Variants in NR4A1 observed in about 807,000 individuals in gnomAD.
NR4A1 encodes nuclear receptor subfamily 4immunitygroup A member 1.
In NR4A1, 24 loss-of-function variants were observed where a neutral mutation model predicts 47.5. The ratio of observed to expected loss-of-function variants is 0.50; its 90% CI spans 0.37 to 0.71. The LOEUF (loss-of-function observed/expected upper bound fraction) is 0.71. Ranked by LOEUF, NR4A1 falls within the 30% of genes least tolerant of loss-of-function variation. NR4A1 has a pLI of 0.00. For missense variants in NR4A1, 669 were observed against 788.6 expected (o/e 0.85, Z 1.82); for synonymous variants, 353 against 345.7 (o/e 1.02, Z -0.24).
intron 1 of NR4A1, chr12:52,052,513 G>A (rs1939038003): frequency 3.0e-6 from 3 of 985,344 alleles, no homozygotes; most frequent in South Asian, 9.4e-5. Context: ...GCAGCCTGAG[G>A]CTTGTTCAGC....
At chr12:52,052,372 TAGAA>T (rs1302378227) in intron 1 of NR4A1, 2 of 438,272 alleles carry the variant, frequency 4.6e-6, no homozygotes, top group African/African-American at 4.3e-5. Flanking sequence ...GGATCCTGGA[TAGAA>T]GTTGCCAGTG....
rs1208982456 is a variant in NR4A1 at position 52,059,443 on chromosome 12, ATGTGACTTT to A, written c.*501_*509del. 1 of 152,908 alleles carries A rather than the reference ATGTGACTTT, an allele frequency of 6.5e-6. No individual in the cohort carries two copies. The highest frequency in any genetic ancestry group is 1.5e-5 in the Non-Finnish European group (1 of 68,576). 9.5% of individuals were successfully genotyped at this position (152,908 alleles called of 1,614,324 possible). ...TTGTGTATTTTCCTGGATTTATAGT[ATGTGACTTT>A]TCTGATTAATATATTTAATATATTG... is the stretch of plus-strand genomic sequence containing the variant. On this transcript the variant is annotated 3_prime_UTR_variant, in exon 7 of 7. Coordinates refer to ENST00000394825, the MANE Select transcript of NR4A1 (RefSeq NM_173157.3).
rs1194268044 is a variant in NR4A1 at position 52,059,302 on chromosome 12, G to A, written c.*358G>A. 2 of 205,648 alleles carry A rather than the reference G, an allele frequency of 9.7e-6. No individual in the cohort carries two copies. Among genetic ancestry groups the A allele is most frequent in the Admixed American group, 5.9e-5 (1 of 16,844 alleles). 12.7% of individuals were successfully genotyped at this position (205,648 alleles called of 1,614,324 possible). The stretch of plus-strand genomic sequence containing the variant: ...GGGCTGGGAGGAAGGGATGGGCCCC[G>A]CCTTCCTGGGCAGCCTTTCCAGCCT... On this transcript the variant is annotated 3_prime_UTR_variant, in exon 7 of 7. Transcript: ENST00000394825.
chr12:52,049,864 C>T (rs1734925716), upstream of NR4A1, among the ~76,000 whole-genome samples: 1 of 151,418 alleles, frequency 6.6e-6, no homozygotes, highest in African/African-American at 2.4e-5. Context: ...TGGGCAGAAG[C>T]GGGGGCTGGA....
At chr12:52,049,919 C>G (rs558223797), upstream of NR4A1, among the ~76,000 whole-genome samples, 3 of 152,048 alleles carry the variant, frequency 2.0e-5, no homozygotes, top group East Asian at 5.8e-4. Flanking sequence ...GGGTGGAAAT[C>G]GGGCCGGCAG....
At chr12:52,053,978 A>G (rs1029131612) in intron 1 of NR4A1, 30 of 238,290 alleles carry the variant, frequency 1.3e-4, no homozygotes, top group Admixed American at 2.6e-4. Context: ...TGCCTTCCCC[A>G]TGGGGGAGGG....
chr12:52,056,185 G>A (rs757835349), intron 3 of NR4A1, 26 bp downstream of exon 3: 18 of 1,576,488 alleles, frequency 1.1e-5, no homozygotes, highest in Non-Finnish European at 1.3e-5. Context: ...GCGGCCCAGC[G>A]GGGCAAGGGT....
chr12:52,031,979 A>G (rs1203115033), intron 1 of NR4A1, among the ~76,000 whole-genome samples: 2 of 151,994 alleles, frequency 1.3e-5, no homozygotes, highest in African/African-American at 2.4e-5. Flanking sequence ...TATTTTTAGT[A>G]GAGACGGGGT....
chr12:52,046,561 T>C (rs1938649988), upstream of NR4A1, among the ~76,000 whole-genome samples: 1 of 152,182 alleles, frequency 6.6e-6, no homozygotes, highest in South Asian at 2.1e-4. Flanking sequence ...ATAGAACAAA[T>C]ACATAATGAG....
At chr12:52,037,575 G>T (rs969368230) in intron 1 of NR4A1, 8 of 982,834 alleles carry the variant, frequency 8.1e-6, no homozygotes, top group East Asian at 2.3e-4. Context: ...TCGGGGGGGG[G>T]ACTGGATTCC....
upstream of NR4A1, among the ~76,000 whole-genome samples, chr12:52,048,391 A>G (rs111466228): frequency 0.12 from 18,594 of 150,960 alleles, 2,742 homozygotes; most frequent in African/African-American, 0.36. Context: ...TCAGGAGATC[A>G]AGACCATCCT....
chr12:52,037,924 T>G, intron 1 of NR4A1: 1 of 982,862 alleles, frequency 1.0e-6, no homozygotes, highest in Non-Finnish European at 1.2e-6. Context: ...TGTTGTTTTG[T>G]TTTTTTGCCG....
At chr12:52,028,137 G>T (rs1938036186) in intron 1 of NR4A1, among the ~76,000 whole-genome samples, 1 of 140,990 alleles carries the variant, frequency 7.1e-6, no homozygotes, top group African/African-American at 2.6e-5. Context: ...AGGAGGTTGA[G>T]GCTGCAGTGA....
chr12:52,046,711 C>T (rs1938657158), upstream of NR4A1, among the ~76,000 whole-genome samples: 1 of 152,180 alleles, frequency 6.6e-6, no homozygotes. Flanking sequence ...GGGCCGGGCA[C>T]GGTGACTCAC....
rs771523987 is a variant in NR4A1, at chr12:52,032,623, T to TCTGTG, written c.-83-9176_-83-9172dup. Among the ~76,000 whole-genome samples, 9 of 152,214 alleles carry TCTGTG rather than the reference T, an allele frequency of 5.9e-5. No homozygotes were observed. In the South Asian group the frequency reaches 8.3e-4, roughly 14 times the overall value. ...GGGACAGGAGCTGTGTCTGTTTTGT[T>TCTGTG]CTGTGCTGTGCTGTGTTTCCAGTGA... On this transcript the variant is annotated intron_variant, in intron 1 of 7. Coordinates refer to the NR4A1 transcript ENST00000360284.
Position 52,057,406 on chromosome 12 carries a change from G to A in NR4A1, c.1416G>A (p.Arg472=). ...LIFCSGLVLH[R]LQCARGFGDW... The stretch of plus-strand genomic sequence containing the variant: ...TCTGCTCAGGCCTGGTGCTACACCG[G>A]CTGCAGTGTGCCCGTGGCTTCGGGG... Residue 472 remains arginine, a synonymous_variant, in exon 6 of 7, where the codon CGG becomes CGA. Coordinates refer to ENST00000394825, the MANE Select transcript of NR4A1 (RefSeq NM_173157.3). The A allele has an allele frequency of 1.2e-6, 2 of 1,614,220 alleles. No homozygotes were observed. The highest frequency in any genetic ancestry group is 1.6e-4 in the Middle Eastern group (1 of 6,062).
chr12:52,037,432 C>T (rs2120946547), intron 1 of NR4A1: 5 of 986,028 alleles, frequency 5.1e-6, no homozygotes, highest in Middle Eastern at 1.0e-3. Context: ...CGAGCGGAGC[C>T]CGCGGGGCCA....
In NR4A1 at chr12:52,058,837, A is replaced by G; in HGVS notation, c.1690A>G (p.Thr564Ala). Residue 564 changes from threonine to alanine, a missense_variant, in exon 7 of 7, where the codon ACC (threonine) becomes GCC (alanine). Coordinates refer to ENST00000394825, the MANE Select transcript of NR4A1 (RefSeq NM_173157.3). ...RLLGKLPELR[T>A]LCTQGLQRIF... ...GTTGGGCAAACTGCCCGAGCTGCGG[A>G]CCCTGTGCACCCAGGGCCTGCAGCG... 6.2e-7 allele frequency: 1 copy of G among 1,613,952 alleles called. No individual in the cohort carries two copies. The highest frequency in any genetic ancestry group is 2.2e-5 in the East Asian group (1 of 44,880).
At chr12:52,045,121 G>C (rs1227060439) in intron 2 of NR4A1, among the ~76,000 whole-genome samples, 1 of 152,208 alleles carries the variant, frequency 6.6e-6, no homozygotes, top group Non-Finnish European at 1.5e-5. Context: ...GTGCTGGGTA[G>C]AGCCACATCT....
Sources: gnomAD v4.1 joint callset for allele counts (sites outside exome capture counted in the v4.1 genomes callset) on GRCh38, gnomAD v4.1.1 for gene constraint, MANE v1.5 for transcripts, NCBI Gene and HGNC (gene_info 2026-07-23, HGNC 2026-07-21) for gene names.